The following VPS13C variants were observed in gnomAD, a reference collection of about 807,000 sequenced individuals.
VPS13C encodes the protein intermembrane lipid transfer protein VPS13C.
Under a neutral mutation model 456.8 loss-of-function variants are expected in VPS13C, and 358 were observed. The observed-to-expected ratio is 0.78, with a 90% confidence interval of 0.72 to 0.86. VPS13C has a LOEUF of 0.86. VPS13C is among the 40% of genes least tolerant of loss of function. The pLI is 0.00. For missense variants in VPS13C, 4,818 were observed against 4,385.4 expected (o/e 1.10, Z -2.79); for synonymous variants, 1,578 against 1,486.7 (o/e 1.06, Z -1.41).
At chr15:61,937,078 T>C (rs1321343518) in intron 47 of VPS13C, among the ~76,000 whole-genome samples, 7 of 152,168 alleles carry the variant, frequency 4.6e-5, no homozygotes, top group Non-Finnish European at 1.0e-4. Context: ...CTCTCTCTCA[T>C]CTCAACCAGT....
At chr15:62,013,005 G>A (rs745564614) in intron 11 of VPS13C, 34 bp downstream of exon 11, 2 of 1,540,510 alleles carry the variant, frequency 1.3e-6, no homozygotes, top group Non-Finnish European at 1.8e-6. Flanking sequence ...GGATGGGAGT[G>A]AAGTTAGCTC....
Position 61,868,753 on chromosome 15 carries a change from T to C in VPS13C, c.10769A>G (p.Glu3590Gly), listed in dbSNP as rs753426947. The change falls in exon 81 of 85, where the codon GAA (glutamate) becomes GGA (glycine). Residue 3590 changes from glutamate to glycine, a missense_variant. Glu to Gly is a moderately conservative substitution (Grantham distance 98, BLOSUM62 -2). Around this residue, in one of 3 missense-constraint regions of VPS13C, gnomAD observed 261 missense variants for 234.1 expected, o/e 1.11. Coordinates refer to ENST00000644861, the MANE Select transcript of VPS13C (RefSeq NM_020821.3). ...GCGAGGGGGACGGAGGCTAGATACT[T>C]CCTCAGTTGATTCTGCTGCCCTGAA... ...GIQRAAESTE[E>G]VSSLRPPRLI... is the part of the protein sequence containing the mutation. 2 of 1,613,930 alleles carry C rather than the reference T, an allele frequency of 1.2e-6. No homozygotes were observed. Among genetic ancestry groups the C allele is most frequent in the Non-Finnish European group, 1.7e-6 (2 of 1,179,982 alleles).
In VPS13C at chr15:62,034,502, G is replaced by A. The variant is rs990434600; in HGVS notation, c.283+455C>T. Among the ~76,000 whole-genome samples the A allele has an allele frequency of 4.6e-5, 7 of 151,028 alleles. No homozygotes were observed. In the South Asian group the frequency reaches 6.3e-4, roughly 14 times the overall value. On this transcript the variant is annotated intron_variant, in intron 4 of 84. Transcript: ENST00000644861. ...TTAAAAATTAAAATACTATCATTTC[G>A]AAGGAAAAAATTACCAATTATACAC... is the stretch of plus-strand genomic sequence containing the variant.
intron 67 of VPS13C, among the ~76,000 whole-genome samples, chr15:61,887,040 A>G (rs1814848852): frequency 6.6e-6 from 1 of 152,176 alleles, no homozygotes; most frequent in African/African-American, 2.4e-5. Context: ...ACCTCAACAT[A>G]GTACTGGAAG....
chr15:61,908,230 T>C (rs530568601), intron 65 of VPS13C, among the ~76,000 whole-genome samples: 88 of 152,260 alleles, frequency 5.8e-4, no homozygotes, highest in Non-Finnish European at 1.1e-3. Context: ...TTAATCCTAA[T>C]CTGTACTTTT....
Position 61,966,104 on chromosome 15 carries a change from T to G in VPS13C, c.3030A>C (p.Gly1010=), listed in dbSNP as rs757636579. The part of the protein sequence containing the change: ...KNGPSFQTAF[G]KTEQTVKVAF... The stretch of plus-strand genomic sequence containing the variant: ...TTACCTTAACTGTTTGTTCAGTTTT[T>G]CCAAAAGCAGTTTGAAAACTAGGTC... The change falls in exon 30 of 85, where the codon GGA becomes GGC. Residue 1010 remains glycine, a synonymous_variant. Transcript: ENST00000644861. 48 of 1,605,104 alleles carry G rather than the reference T, an allele frequency of 3.0e-5. No homozygotes were observed. The South Asian group carries it at 5.0e-4, about 17-fold the overall frequency.
chr15:61,866,960 TA>T, intron 81 of VPS13C: 1 of 983,320 alleles, frequency 1.0e-6, no homozygotes, highest in African/African-American at 1.7e-5. Context: ...AAGACATTGT[TA>T]AACATTTCCA....
chr15:61,988,214 G>C (rs1293210151), intron 18 of VPS13C, among the ~76,000 whole-genome samples: 5 of 152,184 alleles, frequency 3.3e-5, no homozygotes, highest in Non-Finnish European at 1.5e-5. Context: ...AAAATGACTG[G>C]AAAGGGTTAC....
At position 61,881,764 on chromosome 15, in the gene VPS13C, G is replaced by T. The variant is rs1371713443; in HGVS notation, c.9689C>A (p.Ser3230Tyr). 2 of 1,609,234 alleles carry T rather than the reference G, an allele frequency of 1.2e-6. No homozygotes were observed. Among genetic ancestry groups the T allele is most frequent in the East Asian group, 2.2e-5 (1 of 44,718 alleles). ...TATTTTACCTGAATCTAAAGCAATA[G>T]ATTTTGGAGGGGCAACAGGATGAAA... ...VVFHPVAPPK[S>Y]IALDSEPKPF... Residue 3230 changes from serine (S) to tyrosine (Y), a missense_variant, in exon 70 of 85, where the codon TCT (serine) becomes TAT (tyrosine). Around this residue, in one of 3 missense-constraint regions of VPS13C, gnomAD observed 4,552 missense variants for 4,130.6 expected, o/e 1.10. Coordinates refer to ENST00000644861, the MANE Select transcript of VPS13C (RefSeq NM_020821.3).
rs115887573 is a variant in VPS13C, at chr15:61,978,477, T to G, written c.2290+149A>C. 3.7e-4 allele frequency: 323 copies of G among 877,890 alleles called. 1 individual carries two copies. In the African/African-American group the frequency reaches 5.1e-3, roughly 14 times the overall value. 54.4% of individuals were successfully genotyped at this position (877,890 alleles called of 1,614,324 possible). On this transcript the variant is annotated intron_variant, in intron 23 of 84. Transcript: ENST00000644861. ...TAAATGTTGTAGTAATTTACACTGA[T>G]AGTGTCCTACATGGTTTATTTAAGC...
rs907599654 is a variant in VPS13C at position 61,865,532 on chromosome 15, G to A, written c.10864-2004C>T. 16 of 914,074 alleles carry A rather than the reference G, an allele frequency of 1.8e-5. No homozygotes were observed. In the African/African-American group the frequency reaches 2.9e-4, roughly 16 times the overall value. 56.6% of individuals were successfully genotyped at this position (914,074 alleles called of 1,614,324 possible). ...ATGACTATATATACATACATATAAT[G>A]TATGTATATATGTATGTGTAAATAT... On this transcript the variant is annotated intron_variant, in intron 81 of 84. Coordinates refer to ENST00000644861, the MANE Select transcript of VPS13C (RefSeq NM_020821.3).
chr15:62,023,360 TATTATAAAATAC>T, intron 8 of VPS13C, 39 bp downstream of exon 8: 1 of 1,134,726 alleles, frequency 8.8e-7, no homozygotes, highest in Non-Finnish European at 1.2e-6. Flanking sequence ...AAGTCAAGAA[TATTATAAAATAC>T]ATATTTAATT....
chr15:61,940,818 T>G, intron 46 of VPS13C, 24 bp from the exon 47 acceptor site: 1 of 1,599,832 alleles, frequency 6.3e-7, no homozygotes, highest in Non-Finnish European at 8.5e-7. Context: ...AAGAATTTAT[T>G]TTTTACTTCA....
chr15:61,922,053 A>C lies in VPS13C; in HGVS notation c.6976-20T>G, dbSNP rs962376643. 6.2e-7 allele frequency: 1 copy of C among 1,609,128 alleles called. No homozygotes were observed. The highest frequency in any genetic ancestry group is 1.3e-5 in the African/African-American group (1 of 74,902). On this transcript the variant is annotated intron_variant, in intron 54 of 84. Coordinates refer to ENST00000644861, the MANE Select transcript of VPS13C (RefSeq NM_020821.3). Reference sequence around the variant, plus strand: ...GTGCACCTGGAAAGATACACACAAAATTATAAGACAGTCCTTTGGCTTTAA... The same window carrying C: ...GTGCACCTGGAAAGATACACACAAACTTATAAGACAGTCCTTTGGCTTTAA...
chr15:61,886,020 A>G (rs1265195352), intron 67 of VPS13C, among the ~76,000 whole-genome samples: 1 of 152,140 alleles, frequency 6.6e-6, no homozygotes, highest in Non-Finnish European at 1.5e-5. Flanking sequence ...GAATGTCTTC[A>G]ATTCTTTAAG....
chr15:62,028,532 CAG>C (rs2047713414), intron 5 of VPS13C, 112 bp from the exon 6 acceptor site: 4 of 1,070,380 alleles, frequency 3.7e-6, no homozygotes, highest in African/African-American at 1.6e-5. Flanking sequence ...AATCATGTAA[CAG>C]GGTAATTAAA....
At chr15:62,020,579 T>C (rs752850963) in intron 8 of VPS13C, 41 bp from the exon 9 acceptor site, 2 of 1,590,534 alleles carry the variant, frequency 1.3e-6, no homozygotes, top group East Asian at 4.5e-5. Context: ...ATGCTGATGG[T>C]GAAGGCGAAT....
chr15:62,036,832 A>T (rs913863439), intron 3 of VPS13C, among the ~76,000 whole-genome samples: 2 of 151,896 alleles, frequency 1.3e-5, no homozygotes, highest in African/African-American at 4.8e-5. Flanking sequence ...GAAATTTTTT[A>T]AATTTTTAAG....
chr15:61,929,430 C>G, intron 51 of VPS13C, 71 bp downstream of exon 51: 1 of 1,520,290 alleles, frequency 6.6e-7, no homozygotes, highest in Non-Finnish European at 8.8e-7. Flanking sequence ...TTTTTCATTT[C>G]TCTTTTTTCT....
Sources: allele counts gnomAD v4.1 joint callset (sites outside exome capture counted in the v4.1 genomes callset), GRCh38; gene constraint gnomAD v4.1.1; regional missense constraint gnomAD v4.1.1; transcripts MANE v1.5; gene names NCBI Gene and HGNC (gene_info 2026-07-23, HGNC 2026-07-21).